The following SLC38A3 variants were observed in gnomAD, a reference collection of about 807,000 sequenced individuals.
The protein encoded by SLC38A3 is solute carrier family 38 member 3, also known as sodium-coupled neutral amino acid transporter 3.
In SLC38A3, 17 loss-of-function variants were observed where a neutral mutation model predicts 59.5. The observed-to-expected ratio is 0.29, with a 90% CI of 0.20 to 0.43. The LOEUF (loss-of-function observed/expected upper bound fraction) is 0.43. SLC38A3 is among the 20% of genes least tolerant of loss of function. SLC38A3 has a pLI of 1.00. For synonymous variants in SLC38A3, 238 were observed against 260.3 expected (o/e 0.91, Z 0.82); for missense variants, 454 against 653.9 (o/e 0.69, Z 3.33).
rs77734776 is a variant in SLC38A3 at position 50,208,970 on chromosome 3, A to G, written c.-52+3622A>G. Reference sequence around the variant, plus strand: ...TAGCCCCCCATCGGACTCTCTGATGAGTCCTGAACTGCCCGAGGCCTGTGC... The same window carrying G: ...TAGCCCCCCATCGGACTCTCTGATGGGTCCTGAACTGCCCGAGGCCTGTGC... On this transcript the variant is annotated intron_variant, in intron 1 of 15. Coordinates refer to ENST00000614032, the MANE Select transcript of SLC38A3 (RefSeq NM_006841.6). 9.7e-3 allele frequency among the ~76,000 whole-genome samples: 1,472 copies of G among 152,182 alleles called. 21 individuals are homozygous for G. The highest frequency in any genetic ancestry group is 0.034 in the African/African-American group (1,406 of 41,500).
At position 50,220,117 on chromosome 3, in the gene SLC38A3, C is replaced by T. The variant is rs587674165; in HGVS notation, c.1455C>T (p.Ser485=). The T allele has an allele frequency of 6.2e-7, 1 of 1,606,666 alleles. No homozygotes were observed. Among genetic ancestry groups the T allele is most frequent in the East Asian group, 2.2e-5 (1 of 44,700 alleles). The change falls in exon 16 of 16, where the codon AGC becomes AGT. Residue 485 remains serine, a synonymous_variant. Coordinates refer to ENST00000614032, the MANE Select transcript of SLC38A3 (RefSeq NM_006841.6). The stretch of plus-strand genomic sequence containing the variant: ...TTGGCTTCTTGCTGATGACCATGAG[C>T]TTGAGCTTCATCATCATTGACTGGG... The part of the protein sequence containing the change: ...AMLGFLLMTM[S]LSFIIIDWAS...
Position 50,214,866 on chromosome 3 carries a change from G to T in SLC38A3, c.299+98G>T, listed in dbSNP as rs896410268. ...GCCAGTTCCCTGTCCCAGCATCCAG[G>T]CTGCAGTGGGTGGGCACTTCTTACA... On this transcript the variant is annotated intron_variant, in intron 4 of 15. Coordinates refer to ENST00000614032, the MANE Select transcript of SLC38A3 (RefSeq NM_006841.6). The surrounding 1 kb of genome is among the most constrained non-coding windows in gnomAD (Gnocchi z 6.0). 19 of 792,828 alleles carry T rather than the reference G, an allele frequency of 2.4e-5. No individual in the cohort carries two copies. Among genetic ancestry groups the T allele is most frequent in the Non-Finnish European group, 3.2e-5 (15 of 473,628 alleles). 49.1% of individuals were successfully genotyped at this position (792,828 alleles called of 1,614,324 possible).
In SLC38A3 at chr3:50,218,680, C is replaced by T. The variant is rs1699857851; in HGVS notation, c.1124C>T (p.Thr375Ile). Residue 375 changes from threonine to isoleucine, a missense_variant, in exon 13 of 16, where the codon ACA (threonine) becomes ATA (isoleucine). Thr to Ile is a moderately conservative substitution (Grantham distance 89). Around this residue, in one of 3 missense-constraint regions of SLC38A3, gnomAD observed 390 missense variants for 557.9 expected, o/e 0.70. Transcript: ENST00000614032. This position sits in a 1 kb window ranked among gnomAD's most constrained non-coding sequence, Gnocchi z 5.8. ...LILCVRVAVLTAVTLTVPIVL... is the reference protein window; with the variant it reads ...LILCVRVAVLIAVTLTVPIVL... ...CTGTGTGTGCGCGTGGCCGTGCTGA[C>T]AGCAGTCACGCTCACAGTGCCCATC... 1.2e-6 allele frequency: 2 copies of T among 1,613,096 alleles called. No homozygotes were observed. The highest frequency in any genetic ancestry group is 2.2e-5 in the East Asian group (1 of 44,866).
intron 1 of SLC38A3, among the ~76,000 whole-genome samples, chr3:50,212,160 C>T (rs1699740618): frequency 6.6e-6 from 1 of 152,232 alleles, no homozygotes; most frequent in Non-Finnish European, 1.5e-5. Flanking sequence ...AGACCTCAGA[C>T]ACCTCCCACG....
In SLC38A3 at chr3:50,217,864, G is replaced by C; in HGVS notation, c.855+24G>C. On this transcript the variant is annotated intron_variant, in intron 10 of 15. Transcript: ENST00000614032. The surrounding 1 kb of genome is among the most constrained non-coding windows in gnomAD (Gnocchi z 4.9). ...AGGTTCTGACAGGTCAGGGCAAGGC[G>C]GGGGCCCAATGAGAGTGGCAGACTG... 1 of 1,614,006 alleles carries C rather than the reference G, an allele frequency of 6.2e-7. No individual in the cohort carries two copies. The highest frequency in any genetic ancestry group is 1.1e-5 in the South Asian group (1 of 91,080).
At position 50,215,295 on chromosome 3, in the gene SLC38A3, A is replaced by G. The variant is rs1395622159; in HGVS notation, c.300-91A>G. On this transcript the variant is annotated intron_variant, in intron 4 of 15. Coordinates refer to ENST00000614032, the MANE Select transcript of SLC38A3 (RefSeq NM_006841.6). This position sits in a 1 kb window ranked among gnomAD's most constrained non-coding sequence, Gnocchi z 7.1. Reference sequence around the variant, plus strand: ...CAGACACCCAGGTCACAGACCCTCCACCCCCAGGCCTCCCAGAGCCCCTCA... The same window carrying G: ...CAGACACCCAGGTCACAGACCCTCCGCCCCCAGGCCTCCCAGAGCCCCTCA... The G allele has an allele frequency of 4.3e-6, 5 of 1,173,468 alleles. No homozygotes were observed. The highest frequency in any genetic ancestry group is 3.8e-6 in the Non-Finnish European group (3 of 787,420). 72.7% of individuals were successfully genotyped at this position (1,173,468 alleles called of 1,614,324 possible).
rs587687781 is a variant in SLC38A3 at position 50,221,079 on chromosome 3, G to A, written c.*902G>A. The A allele has an allele frequency of 6.6e-6, 1 of 152,366 alleles. No homozygotes were observed. Among genetic ancestry groups the A allele is most frequent in the African/African-American group, 2.4e-5 (1 of 41,556 alleles). 9.4% of individuals were successfully genotyped at this position (152,366 alleles called of 1,614,324 possible). The stretch of plus-strand genomic sequence containing the variant: ...ATGGAGGGCCCCCGTCTCCTTGTCT[G>A]GGATGAGGGTGGGGACAGGGCAAGT... On this transcript the variant is annotated 3_prime_UTR_variant, in exon 16 of 16. Transcript: ENST00000614032.
intron 1 of SLC38A3, among the ~76,000 whole-genome samples, chr3:50,213,626 C>T (rs950577978): frequency 1.3e-5 from 2 of 152,234 alleles, no homozygotes; most frequent in Non-Finnish European, 2.9e-5. Context: ...GGGAACAGGG[C>T]CCACAGCCCT....
rs1241016335 is a variant in SLC38A3, at chr3:50,214,987, A to T, written c.299+219A>T. On this transcript the variant is annotated intron_variant, in intron 4 of 15. Transcript: ENST00000614032. The surrounding 1 kb of genome is among the most constrained non-coding windows in gnomAD (Gnocchi z 6.0). ...AGGTCACAACACAGGCCGGTCTTAC[A>T]GGCCAGAGACTGTCCTTTTGGCACC... is the stretch of plus-strand genomic sequence containing the variant. The T allele has an allele frequency of 1.7e-6, 1 of 596,782 alleles. No homozygotes were observed. Among genetic ancestry groups the T allele is most frequent in the Non-Finnish European group, 3.0e-6 (1 of 337,572 alleles). 37.0% of individuals were successfully genotyped at this position (596,782 alleles called of 1,614,324 possible).
Position 50,220,106 on chromosome 3 carries a change from A to G in SLC38A3, c.1444A>G (p.Met482Val), listed in dbSNP as rs764941519. ...LCFAMLGFLLMTMSLSFIIID... is the reference protein window; with the variant it reads ...LCFAMLGFLLVTMSLSFIIID... ...TTTTGCTATGCTTGGCTTCTTGCTG[A>G]TGACCATGAGCTTGAGCTTCATCAT... The change falls in exon 16 of 16, where the codon ATG (methionine) becomes GTG (valine). Residue 482 changes from methionine (M) to valine (V), a missense_variant. Physicochemically the swap from Met to Val is conservative, Grantham distance 21. Transcript: ENST00000614032. 1 of 1,607,646 alleles carries G rather than the reference A, an allele frequency of 6.2e-7. No homozygotes were observed. Among genetic ancestry groups the G allele is most frequent in the South Asian group, 1.1e-5 (1 of 89,766 alleles).
rs370146364 is a variant in SLC38A3, at chr3:50,217,378, G to A, written c.632-37G>A. ...ATGTTGGAGGCATACACCATGGGAG[G>A]GGCCCCAGGTCTCAGAGTGCTCCCT... On this transcript the variant is annotated intron_variant, in intron 8 of 15. Coordinates refer to ENST00000614032, the MANE Select transcript of SLC38A3 (RefSeq NM_006841.6). The surrounding 1 kb of genome is among the most constrained non-coding windows in gnomAD (Gnocchi z 4.9). 3.5e-4 allele frequency: 562 copies of A among 1,611,720 alleles called. No homozygotes were observed. The highest frequency in any genetic ancestry group is 4.5e-4 in the Non-Finnish European group (528 of 1,178,822).
In SLC38A3 at chr3:50,220,440, C is replaced by T. The variant is rs1194220684; in HGVS notation, c.*263C>T. Reference sequence around the variant, plus strand: ...GTAGGGCTGTCGCCTTAGATCCCGCCCAAGCCCCTCATTCCCTCCTTGCAC... The same window carrying T: ...GTAGGGCTGTCGCCTTAGATCCCGCTCAAGCCCCTCATTCCCTCCTTGCAC... On this transcript the variant is annotated 3_prime_UTR_variant, in exon 16 of 16. Coordinates refer to ENST00000614032, the MANE Select transcript of SLC38A3 (RefSeq NM_006841.6). 1 of 493,830 alleles carries T rather than the reference C, an allele frequency of 2.0e-6. No individual in the cohort carries two copies. The highest frequency in any genetic ancestry group is 3.7e-6 in the Non-Finnish European group (1 of 269,962). 30.6% of individuals were successfully genotyped at this position (493,830 alleles called of 1,614,324 possible).
chr3:50,209,992 C>T (rs906080437), intron 1 of SLC38A3, among the ~76,000 whole-genome samples: 12 of 152,124 alleles, frequency 7.9e-5, no homozygotes, highest in Non-Finnish European at 1.6e-4. Context: ...GGTGTCTTTT[C>T]CCTGTTCTAA....
At chr3:50,209,787 G>A (rs1026261233) in intron 1 of SLC38A3, among the ~76,000 whole-genome samples, 1 of 152,128 alleles carries the variant, frequency 6.6e-6, no homozygotes, top group African/African-American at 2.4e-5. Flanking sequence ...TAGATCCCAA[G>A]GCCAGGGAGC....
chr3:50,206,274 A>G (rs1699647114), intron 1 of SLC38A3, among the ~76,000 whole-genome samples: 1 of 152,256 alleles, frequency 6.6e-6, no homozygotes, highest in Non-Finnish European at 1.5e-5. Context: ...GGTCTGAGAA[A>G]GGCTAAGTCA....
chr3:50,205,863 G>A (rs1699639259), intron 1 of SLC38A3, among the ~76,000 whole-genome samples: 1 of 152,220 alleles, frequency 6.6e-6, no homozygotes, highest in Non-Finnish European at 1.5e-5. Context: ...CGGCTGCTCC[G>A]GACAAGGGCT....
chr3:50,214,621 C>T lies in SLC38A3; in HGVS notation c.184-32C>T. The T allele has an allele frequency of 6.5e-7, 1 of 1,532,138 alleles. No homozygotes were observed. Among genetic ancestry groups the T allele is most frequent in the East Asian group, 2.3e-5 (1 of 43,614 alleles). 94.9% of individuals were successfully genotyped at this position (1,532,138 alleles called of 1,614,324 possible). A position where few individuals can be genotyped will look rare whatever the true frequency, so the allele number is the denominator to read the frequency against. ...TGCCCCTGTCCCTTGCTGACTCCTC[C>T]CACCCTCCCCGTCCCATTCTGGTGC... is the stretch of plus-strand genomic sequence containing the variant. On this transcript the variant is annotated intron_variant, in intron 3 of 15. Coordinates refer to ENST00000614032, the MANE Select transcript of SLC38A3 (RefSeq NM_006841.6). The surrounding 1 kb of genome is among the most constrained non-coding windows in gnomAD (Gnocchi z 6.0).
intron 1 of SLC38A3, chr3:50,207,298 C>T (rs778215043): frequency 3.3e-5 from 5 of 152,140 alleles, no homozygotes; most frequent in Non-Finnish European, 5.9e-5. Context: ...CAAATGCATT[C>T]CATTCGTTTA....
At chr3:50,208,678 G>C (rs1699679370) in intron 1 of SLC38A3, among the ~76,000 whole-genome samples, 1 of 152,168 alleles carries the variant, frequency 6.6e-6, no homozygotes. Context: ...TCTGTCTCCT[G>C]TCTAAATGTC....
Sources: gnomAD v4.1 joint callset for allele counts (sites outside exome capture counted in the v4.1 genomes callset) on GRCh38, gnomAD v4.1.1 for gene constraint, gnomAD v4.1.1 regional missense constraint, Gnocchi (gnomAD v3.1) non-coding constraint, MANE v1.5 for transcripts, NCBI Gene and HGNC (gene_info 2026-07-23, HGNC 2026-07-21) for gene names.